The following DOP1B variants were observed in gnomAD, a reference collection of about 807,000 sequenced individuals.
DOP1B encodes DOP1 leucine zipper like protein B, also known as protein DOP1B.
DOP1B carries 174 observed loss-of-function variants against 233.5 expected under a neutral mutation model. That is an observed-to-expected ratio of 0.75 (90% CI 0.66 to 0.85). The LOEUF (loss-of-function observed/expected upper bound fraction) is 0.85. Ranked by LOEUF, DOP1B falls within the 40% of genes least tolerant of loss-of-function variation. The pLI is 0.00. For synonymous variants in DOP1B, 1,190 were observed against 1,185.6 expected (o/e 1.00, Z -0.08); for missense variants, 2,652 against 2,846.6 (o/e 0.93, Z 1.56).
rs2067372465 is a variant in DOP1B at position 36,278,040 on chromosome 21, C to T, written c.5778C>T (p.Ile1926=). 1 of 1,614,182 alleles carries T rather than the reference C, an allele frequency of 6.2e-7. No individual in the cohort carries two copies. The highest frequency in any genetic ancestry group is 2.2e-5 in the East Asian group (1 of 44,882). Residue 1926 remains isoleucine (I), a synonymous_variant, in exon 29 of 37, where the codon ATC becomes ATT. Coordinates refer to ENST00000691173, the MANE Select transcript of DOP1B (RefSeq NM_001320714.2). ...AGAAGGAGAAAGCTGTGCCGTTAAT[C>T]TCCCGTCTGCTTTACTATGTTTTTC... ...SDEKEKAVPL[I]SRLLYYVFPY... is the part of the protein sequence containing the mutation.
At chr21:36,214,060 T>C in intron 7 of DOP1B, 21 bp from the exon 8 acceptor site, 3 of 1,569,694 alleles carry the variant, frequency 1.9e-6, no homozygotes, top group Non-Finnish European at 2.6e-6. Context: ...TCTTTACAGC[T>C]CGGCGCTTGT....
chr21:36,188,130 T>C (rs2066186870), intron 2 of DOP1B, among the ~76,000 whole-genome samples: 1 of 152,212 alleles, frequency 6.6e-6, no homozygotes, highest in South Asian at 2.1e-4. Flanking sequence ...TGTGGATAAC[T>C]CATGCTGAGA....
chr21:36,255,586 C>G (rs2067086299), intron 23 of DOP1B, among the ~76,000 whole-genome samples: 1 of 151,996 alleles, frequency 6.6e-6, no homozygotes, highest in African/African-American at 2.4e-5. Context: ...ATGCACACCA[C>G]CACACCTGGC....
chr21:36,230,208 GCC>G (rs2066743305), intron 13 of DOP1B, among the ~76,000 whole-genome samples: 1 of 152,004 alleles, frequency 6.6e-6, no homozygotes, highest in African/African-American at 2.4e-5. Flanking sequence ...AGAAAAATAG[GCC>G]CAAAAGCCAG....
At chr21:36,168,946 C>T in intron 2 of DOP1B, 1 of 657,034 alleles carries the variant, frequency 1.5e-6, no homozygotes, top group East Asian at 2.8e-5. Flanking sequence ...GAGACCCCAC[C>T]AGGTGCAAAA....
chr21:36,272,958 T>C (rs1490254572), intron 27 of DOP1B, among the ~76,000 whole-genome samples: 1 of 110,184 alleles, frequency 9.1e-6, no homozygotes, highest in African/African-American at 3.7e-5. Flanking sequence ...CACTCCAGCC[T>C]GGGCAACAAG....
chr21:36,164,976 T>G, intron 2 of DOP1B, 105 bp downstream of exon 2: 1 of 1,014,436 alleles, frequency 9.9e-7, no homozygotes, highest in East Asian at 3.5e-5. Flanking sequence ...TTTATAATCT[T>G]TATATCATTA....
chr21:36,157,113 G>T (rs551262915), intron 1 of DOP1B, among the ~76,000 whole-genome samples, 170 bp downstream of exon 1: 67 of 152,180 alleles, frequency 4.4e-4, no homozygotes, highest in African/African-American at 1.5e-3. Flanking sequence ...CGCGCGGCCC[G>T]GGCCTGCGGC....
rs138343054 is a variant in DOP1B at position 36,225,611 on chromosome 21, C to G, written c.1417C>G (p.Pro473Ala). 3,975 of 1,614,134 alleles carry G rather than the reference C, an allele frequency of 2.5e-3. 141 individuals are homozygous for G. The Admixed American group carries it at 0.063, about 26-fold the overall frequency. The change falls in exon 12 of 37, where the codon CCC becomes GCC. Residue 473 changes from proline (P) to alanine (A), a missense_variant. Pro to Ala is a conservative substitution (Grantham distance 27). Around this residue, in one of 3 missense-constraint regions of DOP1B, gnomAD observed 2,617 missense variants for 2,794.3 expected, o/e 0.94. Coordinates refer to ENST00000691173, the MANE Select transcript of DOP1B (RefSeq NM_001320714.2). Reference sequence around the variant, plus strand: ...CGTGAGGAACAGCGTCAGCCCTCCCCCCACGGTCTCGGAGCTCTGCGCCCT... The same window carrying G: ...CGTGAGGAACAGCGTCAGCCCTCCCGCCACGGTCTCGGAGCTCTGCGCCCT... ...YSVRNSVSPP[P>A]TVSELCALLV...
Position 36,288,104 on chromosome 21 carries a change from C to A in DOP1B, c.6251C>A (p.Ser2084Tyr), listed in dbSNP as rs1290063526. 1 of 1,614,036 alleles carries A rather than the reference C, an allele frequency of 6.2e-7. No homozygotes were observed. Among genetic ancestry groups the A allele is most frequent in the Non-Finnish European group, 8.5e-7 (1 of 1,179,968 alleles). Residue 2084 changes from serine (S) to tyrosine (Y), a missense_variant, in exon 33 of 37, where the codon TCT becomes TAT. Coordinates refer to ENST00000691173, the MANE Select transcript of DOP1B (RefSeq NM_001320714.2). ...LFFRVLLLRI[S>Y]PQHLTSLWPI... ...TTCAGAGTTTTGCTGCTAAGAATATCTCCTCAACATTTGACTTCATTGTGG... is the reference window on the plus strand; with the variant it reads ...TTCAGAGTTTTGCTGCTAAGAATATATCCTCAACATTTGACTTCATTGTGG...
At position 36,258,338 on chromosome 21, in the gene DOP1B, T is replaced by C. The variant is rs78968831; in HGVS notation, c.5260-2339T>C. ...GGGAGAATCACTTGAGCCAGGGAAG[T>C]TGAAGCTGCATTGAGTCAAGATCAC... On this transcript the variant is annotated intron_variant, in intron 23 of 36. Coordinates refer to ENST00000691173, the MANE Select transcript of DOP1B (RefSeq NM_001320714.2). Among the ~76,000 whole-genome samples the C allele has an allele frequency of 8.2e-3, 1,255 of 152,194 alleles. 12 individuals carry two copies. The highest frequency in any genetic ancestry group is 0.029 in the African/African-American group (1,188 of 41,506).
chr21:36,158,802 C>A (rs1234336357), intron 1 of DOP1B, among the ~76,000 whole-genome samples: 186 of 93,686 alleles, frequency 2.0e-3, no homozygotes, highest in African/African-American at 2.9e-3. Context: ...ACTCTTGTCT[C>A]AAAAAAAAAA....
intron 9 of DOP1B, 95 bp from the exon 10 acceptor site, chr21:36,219,276 GT>G (rs1198428101): frequency 6.7e-7 from 1 of 1,486,282 alleles, no homozygotes. Context: ...GTCTGCACAG[GT>G]TTACTGTATA....
Position 36,245,633 on chromosome 21 carries a change from A to G in DOP1B, c.3653A>G (p.Gln1218Arg), listed in dbSNP as rs2066950105. The G allele has an allele frequency of 1.2e-6, 2 of 1,613,486 alleles. No homozygotes were observed. Among genetic ancestry groups the G allele is most frequent in the Non-Finnish European group, 8.5e-7 (1 of 1,179,964 alleles). ...SRLLKQQRER[Q>R]EAVEALFKHI... ...CTGCTAAAGCAGCAGCGGGAAAGGC[A>G]GGAGGCCGTCGAGGCCTTGTTCAAG... The change falls in exon 19 of 37, where the codon CAG (glutamine) becomes CGG (arginine). Residue 1218 changes from glutamine (Q) to arginine (R), a missense_variant. By Grantham distance (43) the Gln-to-Arg change is conservative. Transcript: ENST00000691173. This position sits in a 1 kb window ranked among gnomAD's most constrained non-coding sequence, Gnocchi z 5.5.
intron 4 of DOP1B, among the ~76,000 whole-genome samples, chr21:36,207,561 C>A (rs548807773): frequency 6.9e-6 from 1 of 144,360 alleles, no homozygotes; most frequent in South Asian, 2.2e-4. Flanking sequence ...TCCACGAGGT[C>A]GAGGCTCCTT....
intron 18 of DOP1B, among the ~76,000 whole-genome samples, chr21:36,243,190 G>C (rs951490262): frequency 2.0e-5 from 3 of 151,942 alleles, no homozygotes; most frequent in African/African-American, 7.2e-5. Flanking sequence ...ATGTTGGCCA[G>C]ACTGGTCTTG....
chr21:36,167,843 A>G (rs1026853134), intron 2 of DOP1B, among the ~76,000 whole-genome samples: 2 of 150,770 alleles, frequency 1.3e-5, no homozygotes, highest in Non-Finnish European at 2.9e-5. Context: ...AGGTTCATCC[A>G]TGTTATAGTA....
intron 5 of DOP1B, among the ~76,000 whole-genome samples, chr21:36,210,566 A>G (rs1383799497): frequency 6.6e-6 from 1 of 152,104 alleles, no homozygotes; most frequent in East Asian, 1.9e-4. Context: ...AATCGCTTGA[A>G]CCTGGGAGGC....
intron 32 of DOP1B, 111 bp downstream of exon 32, chr21:36,281,722 C>T: frequency 9.5e-7 from 1 of 1,048,188 alleles, no homozygotes; most frequent in East Asian, 2.7e-5. Flanking sequence ...CTGAGAAGTC[C>T]TATATCCAGG....
Sources: gnomAD v4.1 joint callset for allele counts (sites outside exome capture counted in the v4.1 genomes callset) on GRCh38, gnomAD v4.1.1 for gene constraint, gnomAD v4.1.1 regional missense constraint, Gnocchi (gnomAD v3.1) non-coding constraint, MANE v1.5 for transcripts, NCBI Gene and HGNC (gene_info 2026-07-23, HGNC 2026-07-21) for gene names.